CADPS2: variants seen among roughly 807,000 people sequenced by gnomAD.
The protein encoded by CADPS2 is calcium dependent secretion activator 2, also known as calcium-dependent secretion activator 2.
A neutral mutation model predicts 172.5 loss-of-function variants in CADPS2; 93 were observed. That is an observed-to-expected ratio of 0.54 (90% confidence interval 0.46 to 0.64). The LOEUF is 0.64. Ranked by LOEUF, CADPS2 falls within the 30% of genes least tolerant of loss-of-function variation. The pLI, the probability that CADPS2 is intolerant of heterozygous loss-of-function variation, is 0.00. For synonymous variants in CADPS2, 546 were observed against 555.2 expected (o/e 0.98, Z 0.23); for missense variants, 1,420 against 1,565.9 (o/e 0.91, Z 1.57).
intron 24 of CADPS2, among the ~76,000 whole-genome samples, chr7:122,381,612 T>C (rs2043008361): frequency 6.6e-6 from 1 of 152,126 alleles, no homozygotes; most frequent in South Asian, 2.1e-4. Flanking sequence ...AAAGAGGTCA[T>C]TGATACCCAT....
At chr7:122,696,895 C>T (rs536310883) in intron 2 of CADPS2, among the ~76,000 whole-genome samples, 1 of 152,088 alleles carries the variant, frequency 6.6e-6, no homozygotes, top group South Asian at 2.1e-4. Context: ...GTGCCAGGAA[C>T]TCTGCTGGAC....
intron 3 of CADPS2, among the ~76,000 whole-genome samples, chr7:122,660,747 A>T (rs905582163): frequency 1.3e-5 from 2 of 152,018 alleles, no homozygotes; most frequent in African/African-American, 4.8e-5. Context: ...CATCTCTACT[A>T]AAAATACAAA....
chr7:122,458,325 AG>A (rs1336318811), intron 14 of CADPS2, among the ~76,000 whole-genome samples: 1 of 152,210 alleles, frequency 6.6e-6, no homozygotes, highest in Non-Finnish European at 1.5e-5. Flanking sequence ...ATGATGAGGA[AG>A]AAAACAATAA....
rs546919967 is a variant in CADPS2 at position 122,344,561 on chromosome 7, T to C, written c.3612+1013A>G. Among the ~76,000 whole-genome samples the C allele has an allele frequency of 1.1e-3, 162 of 152,344 alleles. 1 individual carries two copies. The highest frequency in any genetic ancestry group is 2.0e-3 in the Non-Finnish European group (138 of 68,026). On this transcript the variant is annotated intron_variant, in intron 28 of 29. Coordinates refer to ENST00000449022, the MANE Select transcript of CADPS2 (RefSeq NM_017954.11). The stretch of plus-strand genomic sequence containing the variant: ...GATAAAACTGTAATACTGCATATTT[T>C]AGCACATATCAGTACTTTAAATCAA...
intron 9 of CADPS2, among the ~76,000 whole-genome samples, chr7:122,494,203 GGAGTTCCAGCCT>G (rs2058548425): frequency 6.6e-6 from 1 of 152,138 alleles, no homozygotes; most frequent in Non-Finnish European, 1.5e-5. Flanking sequence ...AGCTTCTGCA[GGAGTTCCAGCCT>G]GCTGGCCTTT....
rs6651101 is a variant in CADPS2 at position 122,707,192 on chromosome 7, C to G, written c.453+29763G>C. The stretch of plus-strand genomic sequence containing the variant: ...CATGTAATATGCACTGTACACAAGG[C>G]ACTGACATGAGCCAGAGTCTCTGTT... On this transcript the variant is annotated intron_variant, in intron 2 of 29. Coordinates refer to ENST00000449022, the MANE Select transcript of CADPS2 (RefSeq NM_017954.11). 9.2e-5 allele frequency among the ~76,000 whole-genome samples: 14 copies of G among 151,782 alleles called. No homozygotes were observed. The Admixed American group carries it at 9.2e-4, about 10-fold the overall frequency.
chr7:122,561,138 C>CT (rs112287747), intron 7 of CADPS2, among the ~76,000 whole-genome samples: 271 of 152,252 alleles, frequency 1.8e-3, no homozygotes, highest in African/African-American at 6.1e-3. Context: ...ACACAGTGCT[C>CT]TTTTGTATAC....
At chr7:122,718,576 G>T (rs2089978212) in intron 2 of CADPS2, among the ~76,000 whole-genome samples, 1 of 152,062 alleles carries the variant, frequency 6.6e-6, no homozygotes, top group Non-Finnish European at 1.5e-5. Flanking sequence ...GTACCCACAG[G>T]TTTTTCTCCG....
At chr7:122,729,915 T>A (rs2091486534) in intron 2 of CADPS2, among the ~76,000 whole-genome samples, 1 of 151,702 alleles carries the variant, frequency 6.6e-6, no homozygotes, top group African/African-American at 2.4e-5. Context: ...ATCATTGTTA[T>A]CAGTGATTTA....
chr7:122,767,360 T>G (rs527829214), intron 1 of CADPS2, among the ~76,000 whole-genome samples: 6 of 152,108 alleles, frequency 3.9e-5, no homozygotes, highest in Non-Finnish European at 7.4e-5. Context: ...TGCAGATAAG[T>G]GATAGAGCTG....
At chr7:122,480,805 A>T in intron 12 of CADPS2, 47 bp downstream of exon 12, 1 of 1,347,684 alleles carries the variant, frequency 7.4e-7, no homozygotes, top group Non-Finnish European at 1.0e-6. Flanking sequence ...TAGTATCATT[A>T]AAAATTTTTT....
At chr7:122,393,337 G>T (rs2044637711) in intron 21 of CADPS2, 22 bp from the exon 22 acceptor site, 1 of 1,613,662 alleles carries the variant, frequency 6.2e-7, no homozygotes, top group East Asian at 2.2e-5. Flanking sequence ...CAAACAACGT[G>T]GGAAGGGACC....
At chr7:122,450,332 G>A (rs1424596134) in intron 15 of CADPS2, among the ~76,000 whole-genome samples, 6 of 152,070 alleles carry the variant, frequency 3.9e-5, no homozygotes, top group South Asian at 4.2e-4. Context: ...CAGGTTATAA[G>A]ACACAATACA....
chr7:122,389,653 C>T (rs2044125565), intron 22 of CADPS2, among the ~76,000 whole-genome samples: 1 of 151,918 alleles, frequency 6.6e-6, no homozygotes, highest in Admixed American at 6.6e-5. Flanking sequence ...AATATTCCTA[C>T]ATTAAAACAT....
chr7:122,642,375 A>T (rs1420329583), intron 3 of CADPS2, among the ~76,000 whole-genome samples: 1 of 151,632 alleles, frequency 6.6e-6, no homozygotes, highest in South Asian at 2.1e-4. Flanking sequence ...TTGCCCAGTC[A>T]CTCTCCTGTT....
At chr7:122,535,823 T>C (rs1222632696) in intron 8 of CADPS2, among the ~76,000 whole-genome samples, 1 of 152,082 alleles carries the variant, frequency 6.6e-6, no homozygotes, top group African/African-American at 2.4e-5. Flanking sequence ...TTTAAAACTT[T>C]TACAAAAATT....
chr7:122,379,400 C>A lies in CADPS2; in HGVS notation c.3355G>T (p.Val1119Leu). 6.2e-7 allele frequency: 1 copy of A among 1,602,298 alleles called. No homozygotes were observed. The highest frequency in any genetic ancestry group is 1.1e-5 in the South Asian group (1 of 90,198). Residue 1119 changes from valine to leucine, a missense_variant, in exon 25 of 30, where the codon GTA becomes TTA. Val to Leu is a conservative substitution (Grantham distance 32, BLOSUM62 1). Coordinates refer to ENST00000449022, the MANE Select transcript of CADPS2 (RefSeq NM_017954.11). ...ACTAACAGTGAAATGATTTCTTTTA[C>A]ACTGTTGTCGATCAGATCATCTATT... ...SKIDDLIDNS[V>L]KEIISLLVSK...
At position 122,663,243 on chromosome 7, in the gene CADPS2, T is replaced by A. The variant is rs1012156735; in HGVS notation, c.780A>T (p.Ala260=). The change falls in exon 3 of 30, where the codon GCA becomes GCT. Residue 260 remains alanine, a synonymous_variant. Coordinates refer to ENST00000449022, the MANE Select transcript of CADPS2 (RefSeq NM_017954.11). Reference sequence around the variant, plus strand: ...AATATCAGAGACCACTTACCTGACATGCATTATAAAGGAGCTGGTGTTCCA... The same window carrying A: ...AATATCAGAGACCACTTACCTGACAAGCATTATAAAGGAGCTGGTGTTCCA... ...KKLEHQLLYN[A]CQLDNADEQA... 5 of 1,606,498 alleles carry A rather than the reference T, an allele frequency of 3.1e-6. No individual in the cohort carries two copies. The African/African-American group carries it at 5.4e-5, about 17-fold the overall frequency.
chr7:122,325,331 C>T (rs1279138662), intron 29 of CADPS2, 146 bp downstream of exon 29: 16 of 526,534 alleles, frequency 3.0e-5, no homozygotes, highest in Non-Finnish European at 5.0e-5. Flanking sequence ...ATTAATCTAA[C>T]TAAACGTGGA....
Sources: allele counts gnomAD v4.1 joint callset (sites outside exome capture counted in the v4.1 genomes callset), GRCh38; gene constraint gnomAD v4.1.1; transcripts MANE v1.5; gene names NCBI Gene and HGNC (gene_info 2026-07-23, HGNC 2026-07-21).